Variants in APP observed in about 807,000 individuals in gnomAD.
APP encodes amyloid beta precursor protein, also known as amyloid-beta precursor protein.
In APP, 31 loss-of-function variants were observed where a neutral mutation model predicts 101.4. The ratio of observed to expected loss-of-function variants is 0.31; its 90% confidence interval spans 0.23 to 0.41. The LOEUF (loss-of-function observed/expected upper bound fraction) is 0.41. APP is among the 10% of genes least tolerant of loss of function. The pLI, the probability that APP is intolerant of heterozygous loss-of-function variation, is 1.00. For synonymous variants in APP, 366 were observed against 364.4 expected (o/e 1.00, Z -0.05); for missense variants, 839 against 1,003.7 (o/e 0.84, Z 2.22).
chr21:25,950,645 GTTTT>G (rs549890098), intron 13 of APP, among the ~76,000 whole-genome samples: 1 of 151,732 alleles, frequency 6.6e-6, no homozygotes, highest in South Asian at 2.1e-4. Context: ...GCCTGCAGCT[GTTTT>G]TTTTGTTTTG....
At chr21:26,150,559 ACTGACCAC>A (rs2063245168) in intron 1 of APP, among the ~76,000 whole-genome samples, 1 of 147,150 alleles carries the variant, frequency 6.8e-6, no homozygotes, top group African/African-American at 2.6e-5. Context: ...TCTTCATAGC[ACTGACCAC>A]CAAGTGGCAC....
rs115166557 is a variant in APP at position 26,086,116 on chromosome 21, T to G, written c.355+3827A>C. On this transcript the variant is annotated intron_variant, in intron 3 of 17. Coordinates refer to ENST00000346798, the MANE Select transcript of APP (RefSeq NM_000484.4). ...CTATTACACCATGAAGAGCAGTCAT[T>G]CAAATGGAAAGGGTTGAAAGCTTTG... Among the ~76,000 whole-genome samples the G allele has an allele frequency of 1.5e-3, 221 of 152,304 alleles. 1 individual carries two copies. The highest frequency in any genetic ancestry group is 5.1e-3 in the African/African-American group (212 of 41,568).
chr21:25,996,562 C>G (rs150181616), intron 8 of APP, among the ~76,000 whole-genome samples: 1 of 152,088 alleles, frequency 6.6e-6, no homozygotes, highest in Non-Finnish European at 1.5e-5. Flanking sequence ...GAAATGGTAA[C>G]CTTTGCTCTC....
chr21:25,968,322 C>CTTT (rs34021818), intron 11 of APP, among the ~76,000 whole-genome samples: 41 of 113,834 alleles, frequency 3.6e-4, no homozygotes, highest in African/African-American at 5.5e-4. Context: ...TTAAAAAAAT[C>CTTT]TTTTTTTTTT....
At chr21:26,161,596 AT>A (rs1180372840) in intron 1 of APP, among the ~76,000 whole-genome samples, 1 of 152,200 alleles carries the variant, frequency 6.6e-6, no homozygotes, top group African/African-American at 2.4e-5. Flanking sequence ...TTTGGCTTTA[AT>A]TTTAAATTGC....
intron 13 of APP, among the ~76,000 whole-genome samples, chr21:25,951,148 G>A (rs1378693190): frequency 1.3e-5 from 2 of 152,152 alleles, no homozygotes; most frequent in Non-Finnish European, 2.9e-5. Context: ...CAAGGCCAGG[G>A]CCAGAACTCA....
intron 15 of APP, among the ~76,000 whole-genome samples, chr21:25,903,293 C>T (rs1350888511): frequency 6.6e-6 from 1 of 150,976 alleles, no homozygotes; most frequent in Non-Finnish European, 1.5e-5. Context: ...TGCTTGAACC[C>T]CCGAGGCAGA....
At chr21:25,969,848 A>AG (rs1259144039) in intron 11 of APP, among the ~76,000 whole-genome samples, 2 of 125,244 alleles carry the variant, frequency 1.6e-5, no homozygotes, top group African/African-American at 6.4e-5. Context: ...AGAAAAGAAA[A>AG]GAAAACAAAA....
chr21:26,026,896 G>A (rs73163776), intron 5 of APP, among the ~76,000 whole-genome samples: 27,414 of 152,126 alleles, frequency 0.18, 2,908 homozygotes, highest in South Asian at 0.27. Flanking sequence ...GTAACAAATC[G>A]CTCTAAGGGG....
At position 25,948,769 on chromosome 21, in the gene APP, T is replaced by C. The variant is rs370329434; in HGVS notation, c.1687+5821A>G. 2.1e-4 allele frequency among the ~76,000 whole-genome samples: 32 copies of C among 152,172 alleles called. No homozygotes were observed. The East Asian group carries it at 3.3e-3, about 16-fold the overall frequency. On this transcript the variant is annotated intron_variant, in intron 13 of 17. Coordinates refer to ENST00000346798, the MANE Select transcript of APP (RefSeq NM_000484.4). ...CTCAGTGCCAATACAAAGAGTAGAA[T>C]AGAATCCTTTTAGCAGAGATTTAAG...
Position 25,945,888 on chromosome 21 carries a change from C to T in APP, c.1687+8702G>A, listed in dbSNP as rs1330744243. On this transcript the variant is annotated intron_variant, in intron 13 of 17. Transcript: ENST00000346798. The stretch of plus-strand genomic sequence containing the variant: ...GTAGAAATGTGGTCTTGCCATGTTT[C>T]CCATTCTGGTCTTGAACTTCTGGGC... 3 of 455,588 alleles carry T rather than the reference C, an allele frequency of 6.6e-6. No individual in the cohort carries two copies. The Admixed American group carries it at 7.1e-5, about 11-fold the overall frequency. The allele number at this position is 455,588 out of a possible 1,614,324, so 28.2% of individuals were successfully genotyped here.
At chr21:26,076,432 C>A (rs1480700849) in intron 3 of APP, among the ~76,000 whole-genome samples, 1 of 152,124 alleles carries the variant, frequency 6.6e-6, no homozygotes, top group African/African-American at 2.4e-5. Flanking sequence ...ATTCAGGGAA[C>A]ATGAGTCTAG....
chr21:26,013,536 C>T (rs2043914615), intron 6 of APP, among the ~76,000 whole-genome samples: 1 of 147,964 alleles, frequency 6.8e-6, no homozygotes, highest in Non-Finnish European at 1.5e-5. Flanking sequence ...GACTAATATT[C>T]TTTAAAAATC....
chr21:25,944,142 A>G (rs1356558278), intron 13 of APP, among the ~76,000 whole-genome samples: 11 of 152,240 alleles, frequency 7.2e-5, no homozygotes, highest in Admixed American at 6.5e-4. Context: ...TTTTAGGAGC[A>G]TATGTAAATA....
At chr21:26,148,147 C>T (rs1374037520) in intron 1 of APP, among the ~76,000 whole-genome samples, 1 of 152,166 alleles carries the variant, frequency 6.6e-6, no homozygotes, top group South Asian at 2.1e-4. Flanking sequence ...AGTGGAGAAG[C>T]CACAAACCCC....
intron 13 of APP, among the ~76,000 whole-genome samples, chr21:25,936,953 C>G (rs1182261750): frequency 6.6e-6 from 1 of 152,108 alleles, no homozygotes; most frequent in Non-Finnish European, 1.5e-5. Context: ...CAAGGAATTT[C>G]TTGTACTGCC....
intron 13 of APP, among the ~76,000 whole-genome samples, chr21:25,952,017 T>G (rs2041098050): frequency 6.6e-6 from 1 of 152,162 alleles, no homozygotes; most frequent in Admixed American, 6.5e-5. Flanking sequence ...TATTGCAAAC[T>G]TCTCTTTCTA....
At chr21:26,152,301 A>AAAAAAAAAAAAAAAAAAAAAAAAAC (rs2063294069) in intron 1 of APP, among the ~76,000 whole-genome samples, 1 of 149,386 alleles carries the variant, frequency 6.7e-6, no homozygotes, top group African/African-American at 2.5e-5. Context: ...AAAAAAAAAA[A>AAAAAAAAAAAAAAAAAAAAAAAAAC]AAAAAATGGG....
At chr21:26,025,880 A>G (rs865899114) in intron 5 of APP, among the ~76,000 whole-genome samples, 2 of 152,286 alleles carry the variant, frequency 1.3e-5, no homozygotes, top group Non-Finnish European at 2.9e-5. Context: ...TCATTTGGAC[A>G]CTATTTAAAA....
Sources: allele counts gnomAD v4.1 joint callset (sites outside exome capture counted in the v4.1 genomes callset), GRCh38; gene constraint gnomAD v4.1.1; transcripts MANE v1.5; gene names NCBI Gene and HGNC (gene_info 2026-07-23, HGNC 2026-07-21).